Variants in DAB1 observed in about 807,000 individuals in gnomAD.
The protein encoded by DAB1 is disabled homolog 1.
Under a neutral mutation model 64.6 loss-of-function variants are expected in DAB1, and 15 were observed. The observed-to-expected ratio is 0.23, with a 90% CI of 0.16 to 0.36. The LOEUF (loss-of-function observed/expected upper bound fraction) is 0.36, where lower values mean the gene tolerates loss of function less well. DAB1 is among the 10% of genes least tolerant of loss of function. DAB1 has a pLI of 1.00. For missense variants in DAB1, 596 were observed against 706.7 expected, an observed-to-expected ratio of 0.84 and a Z score of 1.78; for synonymous variants, 235 against 251.9, an observed-to-expected ratio of 0.93 and a Z score of 0.64.
At chr1:57,264,623 C>T (rs1031418507) in intron 2 of DAB1, among the ~76,000 whole-genome samples, 2 of 152,180 alleles carry the variant, frequency 1.3e-5, no homozygotes, top group Non-Finnish European at 2.9e-5. Context: ...GTACCTTAAA[C>T]AAGGTTGAAC....
intron 7 of DAB1, among the ~76,000 whole-genome samples, chr1:57,592,874 C>T (rs1645461376): frequency 6.6e-6 from 1 of 152,100 alleles, no homozygotes; most frequent in Non-Finnish European, 1.5e-5. Context: ...TCTCTGTGTG[C>T]ATGGAGAGAG....
At chr1:58,040,718 G>A (rs1647122512) in intron 5 of DAB1, among the ~76,000 whole-genome samples, 1 of 152,212 alleles carries the variant, frequency 6.6e-6, no homozygotes, top group Non-Finnish European at 1.5e-5. Context: ...CTATTTGAAT[G>A]TACAGAAACT....
intron 1 of DAB1, chr1:57,386,547 C>T (rs2100987355): frequency 6.6e-6 from 1 of 152,158 alleles, no homozygotes; most frequent in Admixed American, 6.5e-5. Context: ...TAGAGCCTGT[C>T]AGGACCAGGA....
At chr1:58,502,199 G>A (rs1645918244) in intron 3 of DAB1, among the ~76,000 whole-genome samples, 1 of 152,174 alleles carries the variant, frequency 6.6e-6, no homozygotes, top group Admixed American at 6.5e-5. Context: ...ATAAGCTAAA[G>A]TTTAAAAATC....
intron 2 of DAB1, among the ~76,000 whole-genome samples, chr1:57,242,999 A>G (rs80173350): frequency 0.032 from 4,869 of 152,228 alleles, 113 homozygotes; most frequent in African/African-American, 0.061. Flanking sequence ...CTTAGTAGAT[A>G]CTCAATAAAT....
intron 4 of DAB1, among the ~76,000 whole-genome samples, chr1:58,323,722 G>A (rs1034319899): frequency 6.6e-6 from 1 of 152,096 alleles, no homozygotes; most frequent in Non-Finnish European, 1.5e-5. Flanking sequence ...TCAGGAGATC[G>A]AGACCATCCT....
At chr1:58,398,083 T>C (rs951147573) in intron 3 of DAB1, among the ~76,000 whole-genome samples, 5 of 152,174 alleles carry the variant, frequency 3.3e-5, no homozygotes, top group African/African-American at 1.2e-4. Context: ...TTCCGATCTA[T>C]CTTCACAGCT....
intron 4 of DAB1, among the ~76,000 whole-genome samples, chr1:57,080,916 A>G (rs1232275570): frequency 6.6e-6 from 1 of 152,170 alleles, no homozygotes; most frequent in Non-Finnish European, 1.5e-5. Flanking sequence ...CATTCAACTC[A>G]CATTCATTCC....
At chr1:58,514,370 T>C (rs1646127813) in intron 2 of DAB1, among the ~76,000 whole-genome samples, 6 of 152,152 alleles carry the variant, frequency 3.9e-5, no homozygotes, top group African/African-American at 2.4e-5. Flanking sequence ...TATGTATAAA[T>C]AGATCTAGAC....
At chr1:57,091,745 C>T (rs1220377379) in intron 4 of DAB1, among the ~76,000 whole-genome samples, 3 of 152,180 alleles carry the variant, frequency 2.0e-5, no homozygotes, top group Non-Finnish European at 2.9e-5. Flanking sequence ...ACATGGATAA[C>T]CACAGTACCA....
intron 5 of DAB1, among the ~76,000 whole-genome samples, chr1:58,131,530 CGCTCT>C (rs1462541186): frequency 1.4e-5 from 2 of 138,580 alleles, no homozygotes; most frequent in Non-Finnish European, 3.2e-5. Context: ...GGAGGAGAGG[CGCTCT>C]GCTTTTTAGA....
At chr1:57,037,038 A>T (rs2100456171) in intron 9 of DAB1, among the ~76,000 whole-genome samples, 1 of 152,344 alleles carries the variant, frequency 6.6e-6, no homozygotes, top group African/African-American at 2.4e-5. Context: ...CTGACTGCAC[A>T]GTGTAATCCT....
intron 7 of DAB1, among the ~76,000 whole-genome samples, chr1:57,528,791 C>A (rs531783134): frequency 0.02 from 3,114 of 152,002 alleles, 128 homozygotes; most frequent in African/African-American, 0.071. Flanking sequence ...ATGAAAAGGC[C>A]TGTCAATCGA....
intron 2 of DAB1, among the ~76,000 whole-genome samples, chr1:57,253,219 G>A (rs1186593784): frequency 2.0e-5 from 3 of 152,144 alleles, no homozygotes; most frequent in South Asian, 2.1e-4. Context: ...AAGCGGCCAC[G>A]GGAGGACGGA....
At position 57,366,272 on chromosome 1, in the gene DAB1, A is replaced by G. The variant is rs140455344; in HGVS notation, c.-137+57658T>C. Among the ~76,000 whole-genome samples, 47 of 152,380 alleles carry G rather than the reference A, an allele frequency of 3.1e-4. 1 individual carries two copies. The highest frequency in any genetic ancestry group is 2.1e-3 in the South Asian group (10 of 4,832). On this transcript the variant is annotated intron_variant, in intron 1 of 14. Coordinates refer to ENST00000371236, the MANE Select transcript of DAB1 (RefSeq NM_001365792.1). ...CTTATCAGGAAATTTTAACCTACAC[A>G]TAAGCTACAAATATGCTTCCTTCCA...
chr1:58,489,317 T>C (rs993753031), intron 3 of DAB1, among the ~76,000 whole-genome samples: 1 of 152,102 alleles, frequency 6.6e-6, no homozygotes, highest in African/African-American at 2.4e-5. Flanking sequence ...GCTCAAAGGG[T>C]CCTACGCCCA....
intron 4 of DAB1, among the ~76,000 whole-genome samples, chr1:58,166,682 T>C (rs1338953167): frequency 6.6e-6 from 1 of 152,022 alleles, no homozygotes; most frequent in African/African-American, 2.4e-5. Flanking sequence ...ATGATATCTG[T>C]GAGTAGAGTT....
intron 6 of DAB1, among the ~76,000 whole-genome samples, chr1:57,787,331 C>T (rs992127213): frequency 5.9e-5 from 9 of 152,004 alleles, no homozygotes; most frequent in Admixed American, 3.9e-4. Context: ...TAGACAAATA[C>T]ATAAATGGAA....
chr1:57,664,258 T>C (rs1363841901), intron 6 of DAB1, among the ~76,000 whole-genome samples: 1 of 152,200 alleles, frequency 6.6e-6, no homozygotes, highest in East Asian at 1.9e-4. Context: ...AAGACCAACT[T>C]GATGTAGACA....
Sources: allele counts gnomAD v4.1 joint callset (sites outside exome capture counted in the v4.1 genomes callset), GRCh38; gene constraint gnomAD v4.1.1; transcripts MANE v1.5; gene names NCBI Gene and HGNC (gene_info 2026-07-23, HGNC 2026-07-21).